Variants in PLEKHG4 observed in about 807,000 individuals in gnomAD.
PLEKHG4 encodes puratrophin-1.
A neutral mutation model predicts 136.9 loss-of-function variants in PLEKHG4; 85 were observed. The ratio of observed to expected loss-of-function variants is 0.62; its 90% CI spans 0.52 to 0.74. The LOEUF (loss-of-function observed/expected upper bound fraction) is 0.74. Ranked by LOEUF, PLEKHG4 falls within the 30% of genes least tolerant of loss-of-function variation. The pLI is 0.00. For missense variants in PLEKHG4, 1,317 were observed against 1,527.8 expected, an observed-to-expected ratio of 0.86 and a Z score of 2.30; for synonymous variants, 577 against 646.9, an observed-to-expected ratio of 0.89 and a Z score of 1.64.
rs1436875921 is a variant in PLEKHG4, at chr16:67,288,587, C to T, written c.3553C>T (p.Leu1185=). The change falls in exon 21 of 22, where the codon CTG becomes TTG. Residue 1185 remains leucine, a synonymous_variant. Transcript: ENST00000379344. ...CVSGQALGRG[L]EDLPCV ...GTCAGGGCAGGCCCTGGGTAGGGGC[C>T]TGGAGGACTTACCCTGTGTGAGTGC... 6.2e-7 allele frequency: 1 copy of T among 1,614,128 alleles called. No individual in the cohort carries two copies. Among genetic ancestry groups the T allele is most frequent in the South Asian group, 1.1e-5 (1 of 91,084 alleles).
Position 67,281,044 on chromosome 16 carries a change from C to A in PLEKHG4, c.719+39C>A, listed in dbSNP as rs182286285. The A allele has an allele frequency of 5.1e-5, 82 of 1,613,872 alleles. No individual in the cohort carries two copies. In the Middle Eastern group the frequency reaches 2.8e-3, roughly 55 times the overall value. The stretch of plus-strand genomic sequence containing the variant: ...GGTTGGGAGACTGAGCCTGAGCCAG[C>A]TGTGAGGACTGGGAGTCAGGTACTG... On this transcript the variant is annotated intron_variant, in intron 4 of 21. Transcript: ENST00000379344.
intron 11 of PLEKHG4, 143 bp downstream of exon 11, chr16:67,283,001 A>T: frequency 1.4e-6 from 1 of 716,424 alleles, no homozygotes; most frequent in Non-Finnish European, 2.5e-6. Flanking sequence ...AATTAATCAC[A>T]GTCATATATG....
rs1181833936 is a variant in PLEKHG4, at chr16:67,286,819, C to T, written c.2825C>T (p.Ser942Phe). The change falls in exon 17 of 22, where the codon TCC (serine) becomes TTC (phenylalanine). Residue 942 changes from serine to phenylalanine, a missense_variant. By Grantham distance (155) the Ser-to-Phe change is radical (BLOSUM62 -2). Coordinates refer to ENST00000379344, the MANE Select transcript of PLEKHG4 (RefSeq NM_001129729.3). The part of the protein sequence containing the change: ...EFVVRTGRHK[S>F]VRRIFLFEEL... ...GTGGTGCGCACTGGGCGCCACAAGTCCGTGCGCCGCATCTTCCTTTTTGAG... is the reference window on the plus strand; with the variant it reads ...GTGGTGCGCACTGGGCGCCACAAGTTCGTGCGCCGCATCTTCCTTTTTGAG... 1.9e-6 allele frequency: 3 copies of T among 1,613,690 alleles called. No individual in the cohort carries two copies. The highest frequency in any genetic ancestry group is 2.5e-6 in the Non-Finnish European group (3 of 1,179,678).
Position 67,280,052 on chromosome 16 carries a change from G to A in PLEKHG4, c.8G>A (p.Arg3Lys), listed in dbSNP as rs1323067261. 6.2e-7 allele frequency: 1 copy of A among 1,612,794 alleles called. No homozygotes were observed. The highest frequency in any genetic ancestry group is 1.3e-5 in the African/African-American group (1 of 74,930). Reference sequence around the variant, plus strand: ...CACCTTTAGGAGGGCGTGATGGAAAGGCCCCTGGAGAATGGGGATGAGTCC... The same window carrying A: ...CACCTTTAGGAGGGCGTGATGGAAAAGCCCCTGGAGAATGGGGATGAGTCC... Reference protein sequence around the residue: MERPLENGDESPD... With the variant: MEKPLENGDESPD... The change falls in exon 2 of 22, where the codon AGG (arginine) becomes AAG (lysine). Residue 3 changes from arginine to lysine, a missense_variant. Coordinates refer to ENST00000379344, the MANE Select transcript of PLEKHG4 (RefSeq NM_001129729.3). The surrounding 1 kb of genome is among the most constrained non-coding windows in gnomAD (Gnocchi z 4.4).
At chr16:67,279,709 G>A in intron 1 of PLEKHG4, 83 bp downstream of exon 1, 1 of 247,260 alleles carries the variant, frequency 4.0e-6, no homozygotes, top group Non-Finnish European at 7.9e-6. Context: ...GCAGGAGAGC[G>A]AACCCGAGGC....
chr16:67,281,823 C>G lies in PLEKHG4; in HGVS notation c.991C>G (p.Leu331Val). Reference sequence around the variant, plus strand: ...CCTGCCTTACTGCCACCAGGCCTGGCTGGATTTCCGAAGGGTCAGTACACT... The same window carrying G: ...CCTGCCTTACTGCCACCAGGCCTGGGTGGATTTCCGAAGGGTCAGTACACT... ...GGLPYCHQAWLDFRRRLEALL... is the reference protein window; with the variant it reads ...GGLPYCHQAWVDFRRRLEALL... The change falls in exon 7 of 22, where the codon CTG becomes GTG. Residue 331 changes from leucine (L) to valine (V), a missense_variant. Physicochemically the swap from Leu to Val is conservative, Grantham distance 32. Transcript: ENST00000379344. The G allele has an allele frequency of 6.2e-7, 1 of 1,612,964 alleles. No homozygotes were observed.
rs2036129859 is a variant in PLEKHG4 at position 67,279,858 on chromosome 16, G to A, written c.-169-18G>A. 3.2e-6 allele frequency: 2 copies of A among 626,014 alleles called. No individual in the cohort carries two copies. The highest frequency in any genetic ancestry group is 1.9e-5 in the South Asian group (1 of 51,496). 38.8% of individuals were successfully genotyped at this position (626,014 alleles called of 1,614,324 possible). ...ACCTGGACAGAGGGACACCCTTAAC[G>A]TTATTCCCTCTTCCCAGGCCTGAAT... On this transcript the variant is annotated intron_variant, in intron 1 of 21. Transcript: ENST00000379344.
chr16:67,284,661 A>C lies in PLEKHG4; in HGVS notation c.1693-52A>C. On this transcript the variant is annotated intron_variant, in intron 12 of 21. Transcript: ENST00000379344. The surrounding 1 kb of genome is among the most constrained non-coding windows in gnomAD (Gnocchi z 4.4). ...GAGTGGGTAGAGGAGCAGAGTGCCC[A>C]GCAGGCTTGGCAGGATCTTCCTCTA... The C allele has an allele frequency of 6.2e-7, 1 of 1,604,284 alleles. No homozygotes were observed.
intron 19 of PLEKHG4, 28 bp downstream of exon 19, chr16:67,288,042 G>T: frequency 6.4e-7 from 1 of 1,557,378 alleles, no homozygotes; most frequent in Non-Finnish European, 8.9e-7. Context: ...GGGTGTGGGG[G>T]TGGGAGTAGG....
At chr16:67,287,873 C>T in intron 18 of PLEKHG4, 25 bp from the exon 19 acceptor site, 1 of 1,478,008 alleles carries the variant, frequency 6.8e-7, no homozygotes, top group African/African-American at 1.4e-5. Context: ...CAGAAGCATC[C>T]CACTTATGTC....
intron 1 of PLEKHG4, 104 bp downstream of exon 1, chr16:67,279,730 C>T (rs2036122901): frequency 3.5e-6 from 1 of 289,380 alleles, no homozygotes; most frequent in Non-Finnish European, 6.6e-6. Flanking sequence ...ATCGTGGTGC[C>T]ATGGCGGGGC....
chr16:67,284,617 A>G lies in PLEKHG4; in HGVS notation c.1693-96A>G. ...CAGTCACTGGGGCTGTGTCCTGGACAGCATCCTGTGGGGATGGGGAGTGGG... is the reference window on the plus strand; with the variant it reads ...CAGTCACTGGGGCTGTGTCCTGGACGGCATCCTGTGGGGATGGGGAGTGGG... On this transcript the variant is annotated intron_variant, in intron 12 of 21. Coordinates refer to ENST00000379344, the MANE Select transcript of PLEKHG4 (RefSeq NM_001129729.3). The surrounding 1 kb of genome is among the most constrained non-coding windows in gnomAD (Gnocchi z 4.4). 1.3e-6 allele frequency: 2 copies of G among 1,516,414 alleles called. No homozygotes were observed. The highest frequency in any genetic ancestry group is 1.4e-5 in the African/African-American group (1 of 72,968). 93.9% of individuals were successfully genotyped at this position (1,516,414 alleles called of 1,614,324 possible). A position where few individuals can be genotyped will look rare whatever the true frequency, so the allele number is the denominator to read the frequency against.
chr16:67,284,207 G>A lies in PLEKHG4; in HGVS notation c.1510-68G>A, dbSNP rs2036353642. Reference sequence around the variant, plus strand: ...TGGGGACATGTCGATATGTCAGCAGGAAGTATCTGAGTCTGGGGGCTAGAC... The same window carrying A: ...TGGGGACATGTCGATATGTCAGCAGAAAGTATCTGAGTCTGGGGGCTAGAC... On this transcript the variant is annotated intron_variant, in intron 11 of 21. Coordinates refer to ENST00000379344, the MANE Select transcript of PLEKHG4 (RefSeq NM_001129729.3). This position sits in a 1 kb window ranked among gnomAD's most constrained non-coding sequence, Gnocchi z 4.4. 1.4e-6 allele frequency: 2 copies of A among 1,383,520 alleles called. No homozygotes were observed. Among genetic ancestry groups the A allele is most frequent in the African/African-American group, 1.4e-5 (1 of 70,230 alleles). 85.7% of individuals were successfully genotyped at this position (1,383,520 alleles called of 1,614,324 possible).
At position 67,286,840 on chromosome 16, in the gene PLEKHG4, T is replaced by G; in HGVS notation, c.2846T>G (p.Phe949Cys). Residue 949 changes from phenylalanine (F) to cysteine (C), a missense_variant, in exon 17 of 22, where the codon TTT becomes TGT. Physicochemically the swap from Phe to Cys is radical, Grantham distance 205. Transcript: ENST00000379344. ...RHKSVRRIFL[F>C]EELLLFSKPR... is the part of the protein sequence containing the mutation. ...AAGTCCGTGCGCCGCATCTTCCTTT[T>G]TGAGGAGCTGCTGCTCTTCAGCAAG... 6.2e-7 allele frequency: 1 copy of G among 1,614,166 alleles called. No homozygotes were observed. Among genetic ancestry groups the G allele is most frequent in the Non-Finnish European group, 8.5e-7 (1 of 1,179,970 alleles).
At position 67,288,581 on chromosome 16, in the gene PLEKHG4, A is replaced by G; in HGVS notation, c.3547A>G (p.Arg1183Gly). 6.2e-7 allele frequency: 1 copy of G among 1,612,702 alleles called. No individual in the cohort carries two copies. Among genetic ancestry groups the G allele is most frequent in the South Asian group, 1.1e-5 (1 of 91,064 alleles). The change falls in exon 21 of 22, where the codon AGG becomes GGG. Residue 1183 changes from arginine (R) to glycine (G), a missense_variant. Transcript: ENST00000379344. ...SSCVSGQALG[R>G]GLEDLPCV ...CTGTGTGTCAGGGCAGGCCCTGGGT[A>G]GGGGCCTGGAGGACTTACCCTGTGT...
rs2036242174 is a variant in PLEKHG4, at chr16:67,281,826, G to A, written c.994G>A (p.Asp332Asn). The change falls in exon 7 of 22, where the codon GAT becomes AAT. Residue 332 changes from aspartate (D) to asparagine (N), a missense_variant. Physicochemically the swap from Asp to Asn is conservative, Grantham distance 23 (BLOSUM62 1). Coordinates refer to ENST00000379344, the MANE Select transcript of PLEKHG4 (RefSeq NM_001129729.3). Reference sequence around the variant, plus strand: ...GCCTTACTGCCACCAGGCCTGGCTGGATTTCCGAAGGGTCAGTACACTGGG... The same window carrying A: ...GCCTTACTGCCACCAGGCCTGGCTGAATTTCCGAAGGGTCAGTACACTGGG... ...GLPYCHQAWL[D>N]FRRRLEALLQ... 9 of 1,612,830 alleles carry A rather than the reference G, an allele frequency of 5.6e-6. No homozygotes were observed. Among genetic ancestry groups the A allele is most frequent in the Non-Finnish European group, 7.6e-6 (9 of 1,179,842 alleles).
chr16:67,285,417 C>T lies in PLEKHG4; in HGVS notation c.2323C>T (p.Arg775Cys), dbSNP rs1167651711. The T allele has an allele frequency of 7.4e-6, 12 of 1,614,092 alleles. No homozygotes were observed. Among genetic ancestry groups the T allele is most frequent in the Middle Eastern group, 1.6e-4 (1 of 6,084 alleles). ...PDVPQGLRGQ[R>C]AHLFGNLEKL... ...TGTGCCCCAGGGCCTCCGCGGTCAG[C>T]GTGCCCACCTCTTTGGCAACCTGGA... The change falls in exon 14 of 22, where the codon CGT (arginine) becomes TGT (cysteine). Residue 775 changes from arginine to cysteine, a missense_variant. Arg to Cys is a radical substitution (Grantham distance 180, BLOSUM62 -3). Coordinates refer to ENST00000379344, the MANE Select transcript of PLEKHG4 (RefSeq NM_001129729.3).
At position 67,280,901 on chromosome 16, in the gene PLEKHG4, C is replaced by T; in HGVS notation, c.615C>T (p.Gly205=). Residue 205 remains glycine (G), a synonymous_variant, in exon 4 of 22, where the codon GGC becomes GGT. Coordinates refer to ENST00000379344, the MANE Select transcript of PLEKHG4 (RefSeq NM_001129729.3). This position sits in a 1 kb window ranked among gnomAD's most constrained non-coding sequence, Gnocchi z 4.4. The stretch of plus-strand genomic sequence containing the variant: ...CCACAGGGACTCGGGATGTCCAAGG[C>T]CGGGCAGTGCTGCTTCTGTGTGCCC... ...ATLPGTRDVQ[G]RAVLLLCAHS... 3.7e-6 allele frequency: 6 copies of T among 1,612,880 alleles called. No homozygotes were observed. The highest frequency in any genetic ancestry group is 5.1e-6 in the Non-Finnish European group (6 of 1,180,034).
rs556343173 is a variant in PLEKHG4 at position 67,280,652 on chromosome 16, C to T, written c.500-59C>T. 30 of 1,612,028 alleles carry T rather than the reference C, an allele frequency of 1.9e-5. No homozygotes were observed. Among genetic ancestry groups the T allele is most frequent in the Non-Finnish European group, 2.5e-5 (29 of 1,178,428 alleles). On this transcript the variant is annotated intron_variant, in intron 2 of 21. Coordinates refer to ENST00000379344, the MANE Select transcript of PLEKHG4 (RefSeq NM_001129729.3). This position sits in a 1 kb window ranked among gnomAD's most constrained non-coding sequence, Gnocchi z 4.4. ...CCCTACTCAGGCTGAAGCCCGGGTC[C>T]AAGTAGGGGTCTCTGGATAGGTGGT...
Sources: gnomAD v4.1 joint callset for allele counts on GRCh38, gnomAD v4.1.1 for gene constraint, Gnocchi (gnomAD v3.1) non-coding constraint, MANE v1.5 for transcripts, NCBI Gene and HGNC (gene_info 2026-07-23, HGNC 2026-07-21) for gene names.